OR9Q1: variants seen among roughly 807,000 people sequenced by gnomAD.
OR9Q1 encodes the protein olfactory receptor family 9 subfamily Q member 1.
For synonymous variants in OR9Q1, 153 were observed against 148.6 expected (o/e 1.03, Z -0.22); for missense variants, 374 against 378.8 (o/e 0.99, Z 0.11).
At chr11:58,034,464 G>T (rs1230599850) in intron 1 of OR9Q1, among the ~76,000 whole-genome samples, 3 of 152,132 alleles carry the variant, frequency 2.0e-5, no homozygotes, top group Middle Eastern at 6.8e-3. Flanking sequence ...ATTGAAAGAA[G>T]AATAATATTT....
chr11:58,142,242 A>G (rs531639213), intron 2 of OR9Q1, among the ~76,000 whole-genome samples: 3 of 152,212 alleles, frequency 2.0e-5, no homozygotes, highest in South Asian at 4.1e-4. Context: ...TTGAACATAT[A>G]TATGCCAGGC....
Position 58,091,074 on chromosome 11 carries a change from A to AT in OR9Q1, c.-15+35135dup, listed in dbSNP as rs1423598022. 1.1e-4 allele frequency among the ~76,000 whole-genome samples: 16 copies of AT among 150,116 alleles called. 1 individual carries two copies. Among genetic ancestry groups the AT allele is most frequent in the South Asian group, 4.2e-4 (2 of 4,724 alleles). On this transcript the variant is annotated intron_variant, in intron 2 of 2. Transcript: ENST00000335397. ...AGTGAGTAGTCCATCTATTTTGTTAATTTTTTTTAAAAAAAACAAGCTCCA... is the reference window on the plus strand; with the variant it reads ...AGTGAGTAGTCCATCTATTTTGTTAATTTTTTTTTAAAAAAAACAAGCTCCA...
chr11:58,108,797 T>A (rs2120103903), intron 2 of OR9Q1: 1 of 260,150 alleles, frequency 3.8e-6, no homozygotes. Flanking sequence ...AGACTGTAGA[T>A]CAAGGGGTTC....
At chr11:58,123,723 T>TG (rs1854059356) in intron 2 of OR9Q1, among the ~76,000 whole-genome samples, 1 of 152,188 alleles carries the variant, frequency 6.6e-6, no homozygotes, top group African/African-American at 2.4e-5. Flanking sequence ...CATCTTATCA[T>TG]GTTCTCTTTT....
intron 2 of OR9Q1, among the ~76,000 whole-genome samples, chr11:58,079,581 G>C (rs1274702634): frequency 6.6e-6 from 1 of 152,124 alleles, no homozygotes; most frequent in African/African-American, 2.4e-5. Context: ...TACTTTGATA[G>C]AGTGTGGTGG....
In OR9Q1 at chr11:58,123,768, G is replaced by A. The variant is rs78891728; in HGVS notation, c.-14-55663G>A. Among the ~76,000 whole-genome samples, 282 of 152,158 alleles carry A rather than the reference G, an allele frequency of 1.9e-3. 11 individuals are homozygous for A. The East Asian group carries it at 0.048, about 26-fold the overall frequency. On this transcript the variant is annotated intron_variant, in intron 2 of 2. Coordinates refer to ENST00000335397, the MANE Select transcript of OR9Q1 (RefSeq NM_001005212.4). ...AGAAAGACCCTTTATGCAGATCCAA[G>A]CCCCAAACCTTTAAAATCAAAGCGC...
At chr11:58,073,744 C>A (rs1853512386) in intron 2 of OR9Q1, 1 of 152,194 alleles carries the variant, frequency 6.6e-6, no homozygotes, top group Non-Finnish European at 1.5e-5. Context: ...ACCAACCTGT[C>A]ATCTAGATTT....
At chr11:58,067,670 T>G (rs1037327120) in intron 2 of OR9Q1, among the ~76,000 whole-genome samples, 14 of 152,184 alleles carry the variant, frequency 9.2e-5, no homozygotes, top group African/African-American at 3.4e-4. Flanking sequence ...TCCTCCAACC[T>G]ACTTTCCTAT....
chr11:58,024,632 G>C (rs1425607189), intron 1 of OR9Q1, among the ~76,000 whole-genome samples: 1 of 152,208 alleles, frequency 6.6e-6, no homozygotes, highest in Non-Finnish European at 1.5e-5. Context: ...CCAAGTTCCT[G>C]TGCGGCCTTT....
intron 2 of OR9Q1, among the ~76,000 whole-genome samples, chr11:58,136,527 T>C (rs1439550712): frequency 1.3e-5 from 2 of 152,188 alleles, no homozygotes; most frequent in African/African-American, 4.8e-5. Flanking sequence ...TTTGAGGAGA[T>C]ACTGTTTGTT....
intron 2 of OR9Q1, among the ~76,000 whole-genome samples, chr11:58,142,515 GA>G (rs1012541225): frequency 5.3e-5 from 8 of 152,106 alleles, no homozygotes; most frequent in East Asian, 1.9e-4. Context: ...TTCAGTGGGG[GA>G]AAAAACTCCC....
At chr11:58,035,677 T>G (rs1853094416) in intron 1 of OR9Q1, among the ~76,000 whole-genome samples, 2 of 152,178 alleles carry the variant, frequency 1.3e-5, no homozygotes, top group Non-Finnish European at 1.5e-5. Context: ...ATGGTGCCCC[T>G]CATTGTCACA....
At chr11:58,140,933 T>C (rs61902799) in intron 2 of OR9Q1, among the ~76,000 whole-genome samples, 33,409 of 152,162 alleles carry the variant, frequency 0.22, 4,080 homozygotes, top group Middle Eastern at 0.38. Context: ...GGAATGTTCT[T>C]CCATTTGTTT....
intron 1 of OR9Q1, among the ~76,000 whole-genome samples, chr11:58,039,165 T>C (rs1196052548): frequency 2.0e-5 from 3 of 152,134 alleles, no homozygotes; most frequent in African/African-American, 7.2e-5. Flanking sequence ...AATTTTTGTA[T>C]TTTTAGTAGA....
intron 2 of OR9Q1, among the ~76,000 whole-genome samples, chr11:58,095,415 G>A (rs1001918574): frequency 3.3e-5 from 5 of 152,202 alleles, no homozygotes; most frequent in Non-Finnish European, 7.3e-5. Flanking sequence ...AGAGCATCTT[G>A]TGTGCTTGTA....
intron 1 of OR9Q1, chr11:58,031,875 T>C (rs771412493): frequency 4.3e-6 from 7 of 1,612,858 alleles, no homozygotes; most frequent in Non-Finnish European, 5.9e-6. Flanking sequence ...CTGGGTCGAG[T>C]CTTTTCTCTC....
chr11:58,168,729 T>G lies in OR9Q1; in HGVS notation c.-14-10702T>G, dbSNP rs1025304400. On this transcript the variant is annotated intron_variant, in intron 2 of 2. Coordinates refer to ENST00000335397, the MANE Select transcript of OR9Q1 (RefSeq NM_001005212.4). ...ATATGTTATTACTTTCTACTAAAAA[T>G]TTTTAAAATTTATCTTTAGCTTCTT... Among the ~76,000 whole-genome samples the G allele has an allele frequency of 2.4e-4, 37 of 152,182 alleles. 1 individual carries two copies.
chr11:58,082,710 A>G (rs1853599573), intron 2 of OR9Q1, among the ~76,000 whole-genome samples: 1 of 146,406 alleles, frequency 6.8e-6, no homozygotes, highest in South Asian at 2.3e-4. Flanking sequence ...ACTAACCTGC[A>G]CATTGTGCAC....
At chr11:58,144,717 C>T (rs998077457) in intron 2 of OR9Q1, 1 of 152,518 alleles carries the variant, frequency 6.6e-6, no homozygotes, top group African/African-American at 2.4e-5. Context: ...GTTATTGGTC[C>T]TCAGTTGCTT....
Sources: allele counts gnomAD v4.1 joint callset (sites outside exome capture counted in the v4.1 genomes callset), GRCh38; gene constraint gnomAD v4.1.1; transcripts MANE v1.5; gene names NCBI Gene and HGNC (gene_info 2026-07-23, HGNC 2026-07-21).